The following LRBA variants were observed in gnomAD, a reference collection of about 807,000 sequenced individuals.
LRBA encodes the protein LPS responsive beige-like anchor protein, also known as lipopolysaccharide-responsive and beige-like anchor protein.
A neutral mutation model predicts 330.0 loss-of-function variants in LRBA; 176 were observed. That is an observed-to-expected ratio of 0.53 (90% CI 0.47 to 0.60). The LOEUF (loss-of-function observed/expected upper bound fraction) is 0.60. LRBA is among the 20% of genes least tolerant of loss of function. The probability of loss-of-function intolerance (pLI) is 0.00; values close to 1 mark genes in which losing one functional copy is unlikely to be tolerated. For missense variants in LRBA, 3,259 were observed against 3,444.8 expected, an observed-to-expected ratio of 0.95 and a Z score of 1.35; for synonymous variants, 1,230 against 1,193.0, an observed-to-expected ratio of 1.03 and a Z score of -0.64.
intron 52 of LRBA, among the ~76,000 whole-genome samples, chr4:150,309,030 C>T (rs1730723975): frequency 6.6e-6 from 1 of 152,194 alleles, no homozygotes; most frequent in African/African-American, 2.4e-5. Flanking sequence ...CTCACTGACT[C>T]ACCCAGCGCA....
intron 40 of LRBA, among the ~76,000 whole-genome samples, chr4:150,505,278 T>G (rs1157360678): frequency 1.3e-5 from 2 of 152,092 alleles, no homozygotes; most frequent in Non-Finnish European, 2.9e-5. Context: ...GAATATACAT[T>G]TTTTTTCAGC....
chr4:150,992,094 A>G (rs915339220), intron 2 of LRBA, among the ~76,000 whole-genome samples: 2 of 152,082 alleles, frequency 1.3e-5, no homozygotes, highest in African/African-American at 4.8e-5. Context: ...GGCAGGTACA[A>G]TCACTGAGGT....
At chr4:150,894,379 C>T (rs766007382) in intron 16 of LRBA, among the ~76,000 whole-genome samples, 16 of 152,122 alleles carry the variant, frequency 1.1e-4, no homozygotes, top group South Asian at 2.1e-4. Flanking sequence ...AATGTTTACT[C>T]GGTCAACATA....
At chr4:150,466,127 C>G (rs1167721553) in intron 44 of LRBA, among the ~76,000 whole-genome samples, 1 of 152,036 alleles carries the variant, frequency 6.6e-6, no homozygotes. Flanking sequence ...CAGACAATGG[C>G]TAGATCCTAA....
At chr4:150,900,712 A>G (rs1415153781) in intron 13 of LRBA, among the ~76,000 whole-genome samples, 1 of 152,180 alleles carries the variant, frequency 6.6e-6, no homozygotes, top group African/African-American at 2.4e-5. Context: ...AGAAAACCAC[A>G]GAAAAAGATA....
intron 2 of LRBA, among the ~76,000 whole-genome samples, chr4:150,960,533 T>C (rs367870758): frequency 3.4e-5 from 5 of 149,100 alleles, no homozygotes; most frequent in South Asian, 4.1e-4. Context: ...AGATAAGGGA[T>C]GTATTATTAG....
At chr4:150,384,839 T>C (rs1469415293) in intron 47 of LRBA, among the ~76,000 whole-genome samples, 1 of 152,072 alleles carries the variant, frequency 6.6e-6, no homozygotes, top group Non-Finnish European at 1.5e-5. Context: ...TGATCTATAA[T>C]TATCAGTATG....
intron 47 of LRBA, among the ~76,000 whole-genome samples, chr4:150,364,992 GAA>G (rs1183447096): frequency 6.6e-6 from 1 of 151,746 alleles, no homozygotes; most frequent in Non-Finnish European, 1.5e-5. Flanking sequence ...CACACAGAGA[GAA>G]AGTGTGTGTG....
intron 46 of LRBA, among the ~76,000 whole-genome samples, chr4:150,417,314 T>C (rs949138002): frequency 6.6e-6 from 1 of 152,166 alleles, no homozygotes; most frequent in Non-Finnish European, 1.5e-5. Flanking sequence ...TATAATTTTC[T>C]AGTATTAATT....
intron 40 of LRBA, among the ~76,000 whole-genome samples, chr4:150,525,823 C>T (rs1260208427): frequency 6.6e-6 from 1 of 151,870 alleles, no homozygotes; most frequent in Non-Finnish European, 1.5e-5. Context: ...CAAGGAAAGC[C>T]GTTACAGACA....
chr4:150,402,854 G>T (rs903825804), intron 47 of LRBA, among the ~76,000 whole-genome samples: 1 of 151,190 alleles, frequency 6.6e-6, no homozygotes, highest in Non-Finnish European at 1.5e-5. Context: ...GGAATCAACC[G>T]GACCACAAAA....
At chr4:150,673,772 A>G (rs1782284257) in intron 37 of LRBA, among the ~76,000 whole-genome samples, 1 of 152,194 alleles carries the variant, frequency 6.6e-6, no homozygotes, top group African/African-American at 2.4e-5. Context: ...TAGTATTAAC[A>G]ATTCATGTGG....
intron 47 of LRBA, among the ~76,000 whole-genome samples, chr4:150,401,688 C>T (rs925941078): frequency 1.3e-5 from 2 of 151,864 alleles, no homozygotes; most frequent in Non-Finnish European, 2.9e-5. Flanking sequence ...GTAAATTAGA[C>T]GAAAGTATTA....
At chr4:150,662,484 G>A (rs1781206853) in intron 37 of LRBA, among the ~76,000 whole-genome samples, 1 of 152,172 alleles carries the variant, frequency 6.6e-6, no homozygotes, top group Non-Finnish European at 1.5e-5. Context: ...CCCTGGGGGT[G>A]CAATCCAGGC....
At position 150,928,565 on chromosome 4, in the gene LRBA, C is replaced by T. The variant is rs140622107; in HGVS notation, c.500G>A (p.Arg167His). Residue 167 changes from arginine (R) to histidine (H), a missense_variant, in exon 4 of 57, where the codon CGC becomes CAC. Physicochemically the swap from Arg to His is conservative, Grantham distance 29. Transcript: ENST00000651943. ...TTTACTGAAGAAAAGCTTTAGCTCG[C>T]GAACTGTCAAATTATAGCTAGCCAG... ...GVLASYNLTV[R>H]ELKLFFSKLQ... 9 of 1,613,732 alleles carry T rather than the reference C, an allele frequency of 5.6e-6. No individual in the cohort carries two copies. Among genetic ancestry groups the T allele is most frequent in the South Asian group, 1.1e-5 (1 of 91,056 alleles).
At chr4:150,486,187 G>A (rs1581450844) in intron 42 of LRBA, among the ~76,000 whole-genome samples, 2 of 151,896 alleles carry the variant, frequency 1.3e-5, no homozygotes, top group East Asian at 3.9e-4. Flanking sequence ...AAATCATCAT[G>A]AGGTAGACCT....
At chr4:150,540,845 A>T (rs1765242364) in intron 40 of LRBA, among the ~76,000 whole-genome samples, 1 of 152,168 alleles carries the variant, frequency 6.6e-6, no homozygotes, top group Non-Finnish European at 1.5e-5. Flanking sequence ...TCAAAATTTA[A>T]AGCTATTTTT....
At chr4:150,508,071 A>C (rs1761339016) in intron 40 of LRBA, among the ~76,000 whole-genome samples, 1 of 93,704 alleles carries the variant, frequency 1.1e-5, no homozygotes, top group Non-Finnish European at 2.0e-5. Context: ...CAAACCGGGG[A>C]CTGTTGTGGG....
chr4:151,009,547 CAA>C (rs1352710334), intron 2 of LRBA, among the ~76,000 whole-genome samples: 9 of 83,446 alleles, frequency 1.1e-4, no homozygotes, highest in Admixed American at 1.3e-4. Context: ...GACTCTGTCT[CAA>C]AAAAAAAAAA....
Sources: gnomAD v4.1 joint callset for allele counts (sites outside exome capture counted in the v4.1 genomes callset) on GRCh38, gnomAD v4.1.1 for gene constraint, MANE v1.5 for transcripts, NCBI Gene and HGNC (gene_info 2026-07-23, HGNC 2026-07-21) for gene names.